LRRC4C: variants seen among roughly 807,000 people sequenced by gnomAD.
The protein encoded by LRRC4C is leucine-rich repeat-containing protein 4C.
LRRC4C carries 5 observed loss-of-function variants against 33.6 expected under a neutral mutation model. That is an observed-to-expected ratio of 0.15 (90% confidence interval 0.08 to 0.31). The LOEUF (loss-of-function observed/expected upper bound fraction) is 0.31. LRRC4C is among the 10% of genes least tolerant of loss of function. The pLI is 1.00. For missense variants in LRRC4C, 560 were observed against 796.7 expected, an observed-to-expected ratio of 0.70 and a Z score of 3.58; for synonymous variants, 329 against 302.0, an observed-to-expected ratio of 1.09 and a Z score of -0.93.
chr11:40,482,494 A>G (rs1432438530), intron 3 of LRRC4C, among the ~76,000 whole-genome samples: 1 of 151,944 alleles, frequency 6.6e-6, no homozygotes, highest in Non-Finnish European at 1.5e-5. Flanking sequence ...TTTGAGATAG[A>G]GTCCCACTCT....
intron 3 of LRRC4C, among the ~76,000 whole-genome samples, chr11:40,642,211 G>A (rs1055284049): frequency 6.6e-5 from 10 of 151,362 alleles, no homozygotes; most frequent in Admixed American, 4.6e-4. Context: ...ACAAGTATAT[G>A]TGTAAAGAAT....
chr11:41,339,798 C>T (rs1474506110), intron 1 of LRRC4C, among the ~76,000 whole-genome samples: 1 of 152,122 alleles, frequency 6.6e-6, no homozygotes, highest in Admixed American at 6.6e-5. Flanking sequence ...ATCTTGAGTA[C>T]AAAATCTATG....
chr11:41,363,478 T>C (rs1952428438), intron 1 of LRRC4C, among the ~76,000 whole-genome samples: 1 of 152,200 alleles, frequency 6.6e-6, no homozygotes, highest in Non-Finnish European at 1.5e-5. Flanking sequence ...TGATTCTGAA[T>C]ACCCCTGTTG....
At chr11:40,756,969 C>T (rs1948982463) in intron 2 of LRRC4C, among the ~76,000 whole-genome samples, 1 of 151,854 alleles carries the variant, frequency 6.6e-6, no homozygotes, top group Non-Finnish European at 1.5e-5. Flanking sequence ...AAGCACTTAT[C>T]CTTCTTTTAA....
intron 2 of LRRC4C, among the ~76,000 whole-genome samples, chr11:40,703,770 C>T (rs543163008): frequency 1.4e-4 from 21 of 152,256 alleles, no homozygotes; most frequent in South Asian, 1.2e-3. Flanking sequence ...GACTAAATTA[C>T]GCAGTAGTTG....
intron 2 of LRRC4C, among the ~76,000 whole-genome samples, chr11:40,661,186 T>G (rs1943414360): frequency 6.6e-6 from 1 of 152,188 alleles, no homozygotes; most frequent in South Asian, 2.1e-4. Flanking sequence ...ATATATTGAT[T>G]GCAAAAAGGA....
intron 3 of LRRC4C, among the ~76,000 whole-genome samples, chr11:40,340,617 C>T (rs1416581420): frequency 6.6e-6 from 1 of 152,116 alleles, no homozygotes; most frequent in African/African-American, 2.4e-5. Context: ...GTGCAACATT[C>T]TTTCATTTAA....
Position 41,394,859 on chromosome 11 carries a change from T to C in LRRC4C, c.-496+64572A>G, listed in dbSNP as rs912506666. ...AGGAAACATTCAAATGGTAAGTTTA[T>C]ATTTAGTCACTTAATAGAGAAAAGG... On this transcript the variant is annotated intron_variant, in intron 1 of 6. Coordinates refer to ENST00000528697, the MANE Select transcript of LRRC4C (RefSeq NM_001258419.2). 2.6e-5 allele frequency: 4 copies of C among 151,994 alleles called. No individual in the cohort carries two copies. In the East Asian group the frequency reaches 5.8e-4, roughly 22 times the overall value. The allele number at this position is 151,994 out of a possible 1,614,324, so 9.4% of individuals were successfully genotyped here.
intron 1 of LRRC4C, among the ~76,000 whole-genome samples, chr11:41,143,253 T>C (rs1408144611): frequency 1.3e-5 from 2 of 151,974 alleles, no homozygotes; most frequent in Non-Finnish European, 2.9e-5. Flanking sequence ...TGAATGCATG[T>C]CATCTTTGGA....
intron 3 of LRRC4C, among the ~76,000 whole-genome samples, chr11:40,607,017 C>A (rs572446339): frequency 1.3e-5 from 2 of 152,116 alleles, no homozygotes. Flanking sequence ...GTGAATTTCT[C>A]ATCAGAAACT....
intron 4 of LRRC4C, chr11:40,293,950 C>T (rs765970217): frequency 4.6e-5 from 7 of 152,460 alleles, no homozygotes; most frequent in Non-Finnish European, 8.8e-5. Context: ...TCCCTCTGCT[C>T]TCTCCCCTCT....
intron 5 of LRRC4C, among the ~76,000 whole-genome samples, chr11:40,216,670 C>T (rs1864001204): frequency 6.6e-6 from 1 of 152,090 alleles, no homozygotes; most frequent in Non-Finnish European, 1.5e-5. Flanking sequence ...ACTGGAAGAA[C>T]AAGCATAAAA....
At chr11:40,580,131 G>C (rs1444226328) in intron 3 of LRRC4C, among the ~76,000 whole-genome samples, 1 of 151,680 alleles carries the variant, frequency 6.6e-6, no homozygotes, top group African/African-American at 2.4e-5. Flanking sequence ...TACTGTATTA[G>C]TCGGTTTTCA....
At chr11:41,322,549 A>G (rs1950988828) in intron 1 of LRRC4C, among the ~76,000 whole-genome samples, 1 of 152,174 alleles carries the variant, frequency 6.6e-6, no homozygotes, top group South Asian at 2.1e-4. Flanking sequence ...TCCTGAAAAT[A>G]TAATACCTAT....
chr11:40,173,703 C>T (rs1218021838), intron 5 of LRRC4C, among the ~76,000 whole-genome samples: 1 of 152,144 alleles, frequency 6.6e-6, no homozygotes, highest in Non-Finnish European at 1.5e-5. Context: ...TCAGTGCCAT[C>T]CCCTAGGAAG....
chr11:40,936,583 G>A (rs1157836030), intron 1 of LRRC4C, among the ~76,000 whole-genome samples: 2 of 151,656 alleles, frequency 1.3e-5, no homozygotes, highest in Non-Finnish European at 2.9e-5. Flanking sequence ...TGATCCACCC[G>A]CCTCTGCCTC....
chr11:41,263,027 AACG>A (rs1383607702), intron 1 of LRRC4C, among the ~76,000 whole-genome samples: 3 of 152,146 alleles, frequency 2.0e-5, no homozygotes, highest in African/African-American at 7.2e-5. Flanking sequence ...TTAAAACGAC[AACG>A]ACAACAAGCT....
intron 2 of LRRC4C, among the ~76,000 whole-genome samples, chr11:40,700,262 G>A (rs1945803221): frequency 6.6e-6 from 1 of 151,932 alleles, no homozygotes. Flanking sequence ...GATATTTCAT[G>A]GTTGGGAAAA....
At chr11:41,199,621 A>C (rs963559543) in intron 1 of LRRC4C, among the ~76,000 whole-genome samples, 2 of 152,116 alleles carry the variant, frequency 1.3e-5, no homozygotes, top group Non-Finnish European at 2.9e-5. Flanking sequence ...TATCTGCTAG[A>C]AATTTTCACT....
Sources: allele counts gnomAD v4.1 joint callset (sites outside exome capture counted in the v4.1 genomes callset), GRCh38; gene constraint gnomAD v4.1.1; transcripts MANE v1.5; gene names NCBI Gene and HGNC (gene_info 2026-07-23, HGNC 2026-07-21).